MICU1: variants seen among roughly 807,000 people sequenced by gnomAD.
MICU1 encodes calcium uptake protein 1, mitochondrial.
A neutral mutation model predicts 56.8 loss-of-function variants in MICU1; 45 were observed. That is an observed-to-expected ratio of 0.79 (90% confidence interval 0.62 to 1.02). The LOEUF (loss-of-function observed/expected upper bound fraction) is 1.02. Among genes scored for constraint, MICU1 ranks in the 50% least tolerant of loss-of-function variants. The pLI, the probability that MICU1 is intolerant of heterozygous loss-of-function variation, is 0.00. For missense variants in MICU1, 504 were observed against 587.1 expected, an observed-to-expected ratio of 0.86 and a Z score of 1.46; for synonymous variants, 186 against 195.1, an observed-to-expected ratio of 0.95 and a Z score of 0.39.
intron 8 of MICU1, among the ~76,000 whole-genome samples, chr10:72,427,747 T>C (rs923901344): frequency 3.6e-5 from 1 of 27,820 alleles, no homozygotes; most frequent in Admixed American, 2.9e-4. Context: ...TATATATATA[T>C]ATATATATAT....
chr10:72,391,415 C>T (rs996027140), intron 10 of MICU1, among the ~76,000 whole-genome samples: 4 of 150,756 alleles, frequency 2.7e-5, no homozygotes, highest in Admixed American at 2.6e-4. Flanking sequence ...CCAGCCTGGT[C>T]GACAGAGCAA....
rs1033088537 is a variant in MICU1 at position 72,465,766 on chromosome 10, G to A, written c.933+9334C>T. The stretch of plus-strand genomic sequence containing the variant: ...TGACCTCAGGTGATCTGCCTGCCTC[G>A]GCCTCCCAAAGTACTGGGATTACAG... On this transcript the variant is annotated intron_variant, in intron 8 of 11. Coordinates refer to ENST00000361114, the MANE Select transcript of MICU1 (RefSeq NM_001195518.2). Among the ~76,000 whole-genome samples the A allele has an allele frequency of 7.9e-5, 12 of 151,820 alleles. 1 individual carries two copies. In the South Asian group the frequency reaches 8.3e-4, roughly 11 times the overall value.
chr10:72,421,101 T>G (rs897084416), intron 9 of MICU1, among the ~76,000 whole-genome samples: 2 of 151,610 alleles, frequency 1.3e-5, no homozygotes, highest in African/African-American at 2.4e-5. Flanking sequence ...TCTTGAACTT[T>G]GATTCTCCTG....
intron 6 of MICU1, among the ~76,000 whole-genome samples, chr10:72,482,733 A>G (rs1250874274): frequency 6.6e-6 from 1 of 151,906 alleles, no homozygotes; most frequent in East Asian, 1.9e-4. Flanking sequence ...GTCTCTAAAA[A>G]GGCTTCTTAG....
chr10:72,437,516 A>T (rs1864772592), intron 8 of MICU1, among the ~76,000 whole-genome samples: 8 of 152,234 alleles, frequency 5.3e-5, no homozygotes, highest in Admixed American at 5.2e-4. Flanking sequence ...AGTGAACATC[A>T]TAATGACAGA....
Position 72,375,759 on chromosome 10 carries a change from C to T in MICU1, c.1270+24G>A, listed in dbSNP as rs773370482. On this transcript the variant is annotated intron_variant, in intron 11 of 11. Coordinates refer to ENST00000361114, the MANE Select transcript of MICU1 (RefSeq NM_001195518.2). ...AAGGGCAGCTAGGCTGTTTCCCCTCCGGGCTCCAGAGGGCCCCACTCACCA... is the reference window on the plus strand; with the variant it reads ...AAGGGCAGCTAGGCTGTTTCCCCTCTGGGCTCCAGAGGGCCCCACTCACCA... 3.2e-5 allele frequency: 52 copies of T among 1,602,004 alleles called. No homozygotes were observed. The South Asian group carries it at 3.9e-4, about 12-fold the overall frequency.
rs1867917693 is a variant in MICU1, at chr10:72,524,738, C to A, written c.537+9008G>T. ...GCACATGCTGCTGAGTCAGTACCTG[C>A]CAGAAATCCTAATCAGAAGATGAGA... is the stretch of plus-strand genomic sequence containing the variant. On this transcript the variant is annotated intron_variant, in intron 5 of 11. Coordinates refer to ENST00000361114, the MANE Select transcript of MICU1 (RefSeq NM_001195518.2). 11 of 1,231,578 alleles carry A rather than the reference C, an allele frequency of 8.9e-6. No homozygotes were observed. The South Asian group carries it at 4.5e-4, about 51-fold the overall frequency. 76.3% of individuals were successfully genotyped at this position (1,231,578 alleles called of 1,614,324 possible).
At chr10:72,450,470 G>A (rs1865260883) in intron 8 of MICU1, among the ~76,000 whole-genome samples, 1 of 151,956 alleles carries the variant, frequency 6.6e-6, no homozygotes, top group African/African-American at 2.4e-5. Flanking sequence ...TTCTGACAGT[G>A]ATTGTGCGAA....
At chr10:72,515,981 C>T (rs1195984305) in intron 5 of MICU1, among the ~76,000 whole-genome samples, 3 of 152,182 alleles carry the variant, frequency 2.0e-5, no homozygotes, top group African/African-American at 7.2e-5. Context: ...TTCATCCACA[C>T]TGTAATCATC....
intron 5 of MICU1, among the ~76,000 whole-genome samples, chr10:72,513,397 T>G (rs914741153): frequency 6.6e-6 from 1 of 152,226 alleles, no homozygotes; most frequent in Non-Finnish European, 1.5e-5. Flanking sequence ...CATTTTTGAA[T>G]TTGTTATTTC....
intron 9 of MICU1, among the ~76,000 whole-genome samples, chr10:72,408,785 T>C (rs956280729): frequency 3.3e-5 from 5 of 152,208 alleles, no homozygotes; most frequent in Admixed American, 2.0e-4. Context: ...CTTAAGCGAA[T>C]TGAAGAATCA....
intron 1 of MICU1, among the ~76,000 whole-genome samples, chr10:72,580,936 T>C (rs1840883221): frequency 6.6e-6 from 1 of 152,224 alleles, no homozygotes; most frequent in Non-Finnish European, 1.5e-5. Flanking sequence ...AACATAATTA[T>C]TATTCTGCCA....
chr10:72,465,710 C>T (rs1865775955), intron 8 of MICU1, among the ~76,000 whole-genome samples: 1 of 151,706 alleles, frequency 6.6e-6, no homozygotes, highest in Admixed American at 6.6e-5. Flanking sequence ...GACAGGGTTA[C>T]ACCATGTTGG....
chr10:72,529,482 A>C (rs1839414035), intron 5 of MICU1, among the ~76,000 whole-genome samples: 1 of 152,206 alleles, frequency 6.6e-6, no homozygotes, highest in Non-Finnish European at 1.5e-5. Context: ...ACGTTGCGGA[A>C]ATTGGTATTC....
chr10:72,519,842 A>G (rs1448745931), intron 5 of MICU1, among the ~76,000 whole-genome samples: 1 of 152,216 alleles, frequency 6.6e-6, no homozygotes, highest in African/African-American at 2.4e-5. Flanking sequence ...TTTTCTAGTT[A>G]AAGAAGTTGA....
intron 10 of MICU1, among the ~76,000 whole-genome samples, chr10:72,407,471 A>G (rs556592763): frequency 2.4e-4 from 36 of 152,332 alleles, no homozygotes; most frequent in African/African-American, 7.5e-4. Context: ...CTGAATTTCT[A>G]TGAAGTAAGC....
chr10:72,402,024 A>G (rs557867121), intron 10 of MICU1, among the ~76,000 whole-genome samples: 9 of 152,272 alleles, frequency 5.9e-5, no homozygotes, highest in African/African-American at 1.9e-4. Context: ...AGATTGTTCT[A>G]TATCTTCCCC....
intron 1 of MICU1, among the ~76,000 whole-genome samples, chr10:72,591,988 C>T (rs1353224940): frequency 6.0e-5 from 9 of 150,504 alleles, no homozygotes; most frequent in East Asian, 2.0e-4. Context: ...CCAGCCTGGG[C>T]GACAAAGTGA....
At chr10:72,500,284 A>T (rs867605693) in intron 6 of MICU1, among the ~76,000 whole-genome samples, 272 of 8,138 alleles carry the variant, frequency 0.033, 3 homozygotes, top group Middle Eastern at 0.071. Context: ...ATATATATAT[A>T]TATATATATA....
Sources: allele counts gnomAD v4.1 joint callset (sites outside exome capture counted in the v4.1 genomes callset), GRCh38; gene constraint gnomAD v4.1.1; transcripts MANE v1.5; gene names NCBI Gene and HGNC (gene_info 2026-07-23, HGNC 2026-07-21).